The following TSC22D4 variants were observed in gnomAD, a reference collection of about 807,000 sequenced individuals.
The protein encoded by TSC22D4 is TSC22 domain family protein 4.
Under a neutral mutation model 24.9 loss-of-function variants are expected in TSC22D4, and 5 were observed. The observed-to-expected ratio is 0.20, with a 90% CI of 0.10 to 0.42. The LOEUF (loss-of-function observed/expected upper bound fraction) is 0.42. TSC22D4 is among the 10% of genes least tolerant of loss of function. The pLI, the probability that TSC22D4 is intolerant of heterozygous loss-of-function variation, is 1.00. For synonymous variants in TSC22D4, 245 were observed against 243.2 expected (o/e 1.01, Z -0.07); for missense variants, 469 against 547.9 (o/e 0.86, Z 1.44).
chr7:100,478,412 G>T (rs1799559474), intron 1 of TSC22D4, 105 bp from the exon 2 acceptor site: 1 of 198,358 alleles, frequency 5.0e-6, no homozygotes, highest in African/African-American at 2.7e-5. Flanking sequence ...AAACCAGTGG[G>T]CAGGCCACCT....
At chr7:100,473,448 T>C (rs1424337429) in intron 3 of TSC22D4, among the ~76,000 whole-genome samples, 1 of 151,780 alleles carries the variant, frequency 6.6e-6, no homozygotes, top group Non-Finnish European at 1.5e-5. Context: ...TTTTTTTTGT[T>C]GTTTTTTTTT....
intron 3 of TSC22D4, among the ~76,000 whole-genome samples, chr7:100,470,387 G>A (rs1001053067): frequency 4.6e-5 from 7 of 152,156 alleles, no homozygotes; most frequent in African/African-American, 1.2e-4. Flanking sequence ...CCACCTCTGG[G>A]TTCAAGTGAT....
In TSC22D4 at chr7:100,477,341, G is replaced by C. The variant is rs1028487257; in HGVS notation, c.698C>G (p.Ser233Cys). ...CCGCATGTCTACAGCTTTCCTCCGGGACAGTGGAGGGGTCCTGGCCCCTGA... is the reference window on the plus strand; with the variant it reads ...CCGCATGTCTACAGCTTTCCTCCGGCACAGTGGAGGGGTCCTGGCCCCTGA... ...GGSGARTPPL[S>C]RRKAVDMRLR... Residue 233 changes from serine to cysteine, a missense_variant, in exon 2 of 5, where the codon TCC becomes TGC. Coordinates refer to ENST00000300181, the MANE Select transcript of TSC22D4 (RefSeq NM_030935.5). This position sits in a 1 kb window ranked among gnomAD's most constrained non-coding sequence, Gnocchi z 7.8. 2.6e-6 allele frequency: 4 copies of C among 1,552,602 alleles called. No homozygotes were observed. The highest frequency in any genetic ancestry group is 2.8e-5 in the African/African-American group (2 of 72,492).
At chr7:100,475,339 G>A (rs1169405788) in intron 2 of TSC22D4, among the ~76,000 whole-genome samples, 4 of 151,914 alleles carry the variant, frequency 2.6e-5, no homozygotes, top group Admixed American at 1.3e-4. Context: ...TGCCCGCCTC[G>A]GCCTCCCAAA....
intron 3 of TSC22D4, chr7:100,473,917 C>A (rs1584350505): frequency 4.6e-6 from 1 of 216,760 alleles, no homozygotes; most frequent in Admixed American, 5.0e-5. Flanking sequence ...GTGCCCCGGC[C>A]TGATTTGCTA....
At position 100,477,662 on chromosome 7, in the gene TSC22D4, G is replaced by A. The variant is rs1333992886; in HGVS notation, c.377C>T (p.Ser126Phe). 2 of 1,593,494 alleles carry A rather than the reference G, an allele frequency of 1.3e-6. No homozygotes were observed. Among genetic ancestry groups the A allele is most frequent in the African/African-American group, 1.3e-5 (1 of 74,920 alleles). The change falls in exon 2 of 5, where the codon TCC (serine) becomes TTC (phenylalanine). Residue 126 changes from serine (S) to phenylalanine (F), a missense_variant. By Grantham distance (155) the Ser-to-Phe change is radical. Transcript: ENST00000300181. The surrounding 1 kb of genome is among the most constrained non-coding windows in gnomAD (Gnocchi z 7.8). ...SGGAGGRSLDSRLELASLGLG... is the reference protein window; with the variant it reads ...SGGAGGRSLDFRLELASLGLG... ...GCCGAGGCTGGCCAGCTCCAACCTG[G>A]AATCCAAAGATCTGCCCCCGGCGCC...
At position 100,474,463 on chromosome 7, in the gene TSC22D4, C is replaced by G; in HGVS notation, c.763-23G>C. The G allele has an allele frequency of 6.2e-7, 1 of 1,612,818 alleles. No individual in the cohort carries two copies. On this transcript the variant is annotated intron_variant, in intron 2 of 4. Coordinates refer to ENST00000300181, the MANE Select transcript of TSC22D4 (RefSeq NM_030935.5). This position sits in a 1 kb window ranked among gnomAD's most constrained non-coding sequence, Gnocchi z 4.3. ...CACCTGGAGGCGGAGAGGTAGGAAC[C>G]ATCACATGAAAAGAGAAAAGAAAGG...
At chr7:100,470,118 T>G (rs1799365467) in intron 3 of TSC22D4, among the ~76,000 whole-genome samples, 1 of 152,042 alleles carries the variant, frequency 6.6e-6, no homozygotes, top group South Asian at 2.1e-4. Context: ...AGCCCAATAC[T>G]GCCACCACCC....
intron 3 of TSC22D4, among the ~76,000 whole-genome samples, chr7:100,468,361 G>C (rs779850050): frequency 9.2e-5 from 14 of 152,164 alleles, no homozygotes; most frequent in Non-Finnish European, 1.9e-4. Flanking sequence ...GAGAGGAAGG[G>C]GCTGGCCTTC....
rs374776895 is a variant in TSC22D4, at chr7:100,467,780, G to A, written c.930-180C>T. 7.7e-5 allele frequency: 55 copies of A among 715,582 alleles called. 1 individual carries two copies. In the East Asian group the frequency reaches 9.0e-4, roughly 12 times the overall value. 44.3% of individuals were successfully genotyped at this position (715,582 alleles called of 1,614,324 possible). On this transcript the variant is annotated intron_variant, in intron 3 of 4. Coordinates refer to ENST00000300181, the MANE Select transcript of TSC22D4 (RefSeq NM_030935.5). Reference sequence around the variant, plus strand: ...CGCTGCCCAGGGCCTCCCAGGCCCCGGTGGGGCGGGGGCCCAGATGTCCCT... The same window carrying A: ...CGCTGCCCAGGGCCTCCCAGGCCCCAGTGGGGCGGGGGCCCAGATGTCCCT...
Position 100,474,144 on chromosome 7 carries a change from T to C in TSC22D4, c.929+130A>G. The C allele has an allele frequency of 8.0e-7, 1 of 1,252,800 alleles. No homozygotes were observed. The allele number at this position is 1,252,800 out of a possible 1,614,324, so 77.6% of individuals were successfully genotyped here. ...GTGCAGTGGCTATGCCCAGGCCAGG[T>C]TTCTCTAAGAGGTCCTCTCCAAGTT... On this transcript the variant is annotated intron_variant, in intron 3 of 4. Transcript: ENST00000300181. The surrounding 1 kb of genome is among the most constrained non-coding windows in gnomAD (Gnocchi z 4.3).
Position 100,474,556 on chromosome 7 carries a change from C to T in TSC22D4, c.763-116G>A. 1 of 1,243,248 alleles carries T rather than the reference C, an allele frequency of 8.0e-7. No homozygotes were observed. The highest frequency in any genetic ancestry group is 2.6e-5 in the East Asian group (1 of 39,100). The allele number at this position is 1,243,248 out of a possible 1,614,324, so 77.0% of individuals were successfully genotyped here. A position where few individuals can be genotyped will look rare whatever the true frequency, so the allele number is the denominator to read the frequency against. On this transcript the variant is annotated intron_variant, in intron 2 of 4. Transcript: ENST00000300181. The surrounding 1 kb of genome is among the most constrained non-coding windows in gnomAD (Gnocchi z 4.3). Reference sequence around the variant, plus strand: ...CCACCTCCCCACTCTCTTTCGAGGACCCAGGAGTCCTGTCCCCGCAGTCCT... The same window carrying T: ...CCACCTCCCCACTCTCTTTCGAGGATCCAGGAGTCCTGTCCCCGCAGTCCT...
At chr7:100,471,350 G>A (rs1028651040) in intron 3 of TSC22D4, among the ~76,000 whole-genome samples, 1 of 152,178 alleles carries the variant, frequency 6.6e-6, no homozygotes, top group Non-Finnish European at 1.5e-5. Context: ...AGGCATCCCA[G>A]TAGGACAGTG....
chr7:100,467,882 C>T (rs1055110840), intron 3 of TSC22D4: 1 of 627,910 alleles, frequency 1.6e-6, no homozygotes, highest in South Asian at 1.5e-5. Context: ...GGAGCCATCC[C>T]CACCACTCGG....
At chr7:100,470,367 A>G (rs902449756) in intron 3 of TSC22D4, among the ~76,000 whole-genome samples, 2 of 152,084 alleles carry the variant, frequency 1.3e-5, no homozygotes, top group African/African-American at 4.8e-5. Context: ...ATTTTCCCTC[A>G]TTGGAACCTC....
intron 3 of TSC22D4, among the ~76,000 whole-genome samples, chr7:100,469,278 T>G: frequency 7.2e-6 from 1 of 139,790 alleles, no homozygotes. Context: ...GGGTCTGGGG[T>G]CTCAGAGGAA....
chr7:100,478,372 T>TG (rs1799557404), intron 1 of TSC22D4, 65 bp from the exon 2 acceptor site: 1 of 249,930 alleles, frequency 4.0e-6, no homozygotes, highest in African/African-American at 2.3e-5. Context: ...TGTGTGTGTG[T>TG]GTGTGTGTGT....
At position 100,477,246 on chromosome 7, in the gene TSC22D4, T is replaced by G. The variant is rs949203418; in HGVS notation, c.762+31A>C. 6.9e-7 allele frequency: 1 copy of G among 1,455,766 alleles called. No individual in the cohort carries two copies. Among genetic ancestry groups the G allele is most frequent in the Non-Finnish European group, 9.1e-7 (1 of 1,100,824 alleles). 90.2% of individuals were successfully genotyped at this position (1,455,766 alleles called of 1,614,324 possible). On this transcript the variant is annotated intron_variant, in intron 2 of 4. Transcript: ENST00000300181. This position sits in a 1 kb window ranked among gnomAD's most constrained non-coding sequence, Gnocchi z 7.8. ...CTCAAGATAGAGGTTAGGCCAGGGC[T>G]GATGGGCCAGCCCTAGAACCCAGGT...
At chr7:100,476,675 G>T (rs1341688939) in intron 2 of TSC22D4, among the ~76,000 whole-genome samples, 2 of 152,140 alleles carry the variant, frequency 1.3e-5, no homozygotes, top group Admixed American at 6.5e-5. Flanking sequence ...CCAGACAACT[G>T]GGGGGTGAAA....
Sources: gnomAD v4.1 joint callset for allele counts (sites outside exome capture counted in the v4.1 genomes callset) on GRCh38, gnomAD v4.1.1 for gene constraint, Gnocchi (gnomAD v3.1) non-coding constraint, MANE v1.5 for transcripts, NCBI Gene and HGNC (gene_info 2026-07-23, HGNC 2026-07-21) for gene names.